The following PITPNM2 variants were observed in gnomAD, a reference collection of about 807,000 sequenced individuals.
PITPNM2 encodes the protein phosphatidylinositol transfer protein membrane associated 2.
PITPNM2 carries 35 observed loss-of-function variants against 132.2 expected under a neutral mutation model. The observed-to-expected ratio is 0.26, with a 90% CI of 0.20 to 0.35. The LOEUF is 0.35. PITPNM2 is among the 10% of genes least tolerant of loss of function. The pLI, the probability that PITPNM2 is intolerant of heterozygous loss-of-function variation, is 1.00. For synonymous variants in PITPNM2, 738 were observed against 799.2 expected, an observed-to-expected ratio of 0.92 and a Z score of 1.29; for missense variants, 1,332 against 1,912.0, an observed-to-expected ratio of 0.70 and a Z score of 5.66.
chr12:123,019,681 C>T (rs1265524599), intron 3 of PITPNM2, among the ~76,000 whole-genome samples: 1 of 152,230 alleles, frequency 6.6e-6, no homozygotes, highest in African/African-American at 2.4e-5. Flanking sequence ...CAGTGGAGGG[C>T]CTGTGCAGCC....
intron 3 of PITPNM2, among the ~76,000 whole-genome samples, chr12:123,019,449 G>A (rs1274833774): frequency 8.5e-5 from 13 of 152,168 alleles, no homozygotes. Flanking sequence ...AAGTCTGCAG[G>A]CTGCTCAGAG....
intron 3 of PITPNM2, chr12:123,034,158 G>A (rs2040192240): frequency 4.6e-6 from 1 of 215,288 alleles, no homozygotes; most frequent in Non-Finnish European, 9.2e-6. Context: ...GTTCCTCTAC[G>A]CCCCCAGTTT....
At position 123,013,943 on chromosome 12, in the gene PITPNM2, G is replaced by A. The variant is rs754104388; in HGVS notation, c.178C>T (p.His60Tyr). The A allele has an allele frequency of 2.5e-5, 41 of 1,614,158 alleles. No homozygotes were observed. Among genetic ancestry groups the A allele is most frequent in the Non-Finnish European group, 3.3e-5 (39 of 1,180,054 alleles). The change falls in exon 4 of 26, where the codon CAC (histidine) becomes TAC (tyrosine). Residue 60 changes from histidine to tyrosine, a missense_variant. By Grantham distance (83) the His-to-Tyr change is moderately conservative. Coordinates refer to ENST00000320201, the MANE Select transcript of PITPNM2 (RefSeq NM_020845.3). Reference protein sequence around the residue: ...DGPGGSGQYTHKVYHVGMHIP... With the variant: ...DGPGGSGQYTYKVYHVGMHIP... ...TGCATGCCCACATGATACACCTTGTGTGTGTACTGCCCAGAGCCGCCTGGG... is the reference window on the plus strand; with the variant it reads ...TGCATGCCCACATGATACACCTTGTATGTGTACTGCCCAGAGCCGCCTGGG...
At position 123,036,484 on chromosome 12, in the gene PITPNM2, G is replaced by C. The variant is rs1303724548; in HGVS notation, c.-95-1799C>G. On this transcript the variant is annotated intron_variant, in intron 2 of 25. Coordinates refer to ENST00000320201, the MANE Select transcript of PITPNM2 (RefSeq NM_020845.3). This position sits in a 1 kb window ranked among gnomAD's most constrained non-coding sequence, Gnocchi z 4.1. ...ACTGCTTGAGGTCAAGCAAGCTCAA[G>C]ACCAGCCTGGGAAACATAGCAAGAC... 6.6e-6 allele frequency among the ~76,000 whole-genome samples: 1 copy of C among 152,122 alleles called. No individual in the cohort carries two copies. Among genetic ancestry groups the C allele is most frequent in the Non-Finnish European group, 1.5e-5 (1 of 67,994 alleles).
intron 2 of PITPNM2, among the ~76,000 whole-genome samples, chr12:123,063,593 G>A (rs2041319146): frequency 6.6e-6 from 1 of 152,156 alleles, no homozygotes; most frequent in South Asian, 2.1e-4. Flanking sequence ...CCCCTTGTGG[G>A]TCTCTGTCCT....
chr12:123,107,260 C>T (rs921006174), intron 2 of PITPNM2, among the ~76,000 whole-genome samples: 3 of 152,224 alleles, frequency 2.0e-5, no homozygotes, highest in South Asian at 2.1e-4. Flanking sequence ...GGACCCTCCC[C>T]GCTGAGCTCT....
chr12:123,083,409 C>T lies in PITPNM2; in HGVS notation c.-96+26976G>A, dbSNP rs1336901964. 6.6e-6 allele frequency: 1 copy of T among 152,246 alleles called. No homozygotes were observed. Among genetic ancestry groups the T allele is most frequent in the Non-Finnish European group, 1.5e-5 (1 of 68,098 alleles). The allele number at this position is 152,246 out of a possible 1,614,324, so 9.4% of individuals were successfully genotyped here. ...AATGCCTCAAATGTCTGTGCCTGGCCTGGAGTTATGTCCCTCACCCCCACT... is the reference window on the plus strand; with the variant it reads ...AATGCCTCAAATGTCTGTGCCTGGCTTGGAGTTATGTCCCTCACCCCCACT... On this transcript the variant is annotated intron_variant, in intron 2 of 25. Transcript: ENST00000320201. This position sits in a 1 kb window ranked among gnomAD's most constrained non-coding sequence, Gnocchi z 4.5.
intron 2 of PITPNM2, among the ~76,000 whole-genome samples, chr12:123,069,285 C>T (rs547947249): frequency 1.1e-3 from 163 of 151,882 alleles, no homozygotes; most frequent in African/African-American, 3.6e-3. Context: ...GATTCCTATG[C>T]GCTGCTCCCA....
At chr12:123,062,107 C>G (rs2041257310) in intron 2 of PITPNM2, among the ~76,000 whole-genome samples, 1 of 152,252 alleles carries the variant, frequency 6.6e-6, no homozygotes, top group Non-Finnish European at 1.5e-5. Flanking sequence ...TCCGGTGCAC[C>G]TGGGACCCTG....
chr12:123,125,674 C>A (rs931599118), intron 1 of PITPNM2, among the ~76,000 whole-genome samples: 9 of 150,962 alleles, frequency 6.0e-5, no homozygotes, highest in Admixed American at 1.3e-4. Context: ...GAAACCCCGT[C>A]TCTATTAAAA....
intron 3 of PITPNM2, among the ~76,000 whole-genome samples, chr12:123,017,760 A>G (rs1223183301): frequency 6.6e-6 from 1 of 152,254 alleles, no homozygotes; most frequent in African/African-American, 2.4e-5. Flanking sequence ...AACAAGCCAG[A>G]CACAAAGGAC....
chr12:122,987,854 G>C lies in PITPNM2; in HGVS notation c.3045C>G (p.Asp1015Glu). The C allele has an allele frequency of 6.2e-7, 1 of 1,613,678 alleles. No homozygotes were observed. The highest frequency in any genetic ancestry group is 8.5e-7 in the Non-Finnish European group (1 of 1,179,866). The change falls in exon 21 of 26, where the codon GAC becomes GAG. Residue 1015 changes from aspartate (D) to glutamate (E), a missense_variant. Around this residue, in one of 6 missense-constraint regions of PITPNM2, gnomAD observed 251 missense variants for 472.0 expected, o/e 0.53. Transcript: ENST00000320201. ...ACCTGCCCGTCAGAACCTGGGGGCC[G>C]TCCTCATTGGCAAGGGCATCATTGA... Reference protein sequence around the residue: ...HRINDALANEDGPQVLTGRFM... With the variant: ...HRINDALANEEGPQVLTGRFM...
Position 122,984,400 on chromosome 12 carries a change from C to T in PITPNM2, c.*1627G>A, listed in dbSNP as rs1345088849. On this transcript the variant is annotated 3_prime_UTR_variant, in exon 26 of 26. Transcript: ENST00000320201. The stretch of plus-strand genomic sequence containing the variant: ...CTGGGAGCAGGGGGGTCAGATATTG[C>T]ACTTTCACTGCAACAGTTACATGAA... 4 of 152,664 alleles carry T rather than the reference C, an allele frequency of 2.6e-5. No homozygotes were observed. Among genetic ancestry groups the T allele is most frequent in the Admixed American group, 2.0e-4 (3 of 15,284 alleles). 9.5% of individuals were successfully genotyped at this position (152,664 alleles called of 1,614,324 possible).
chr12:123,131,622 T>A (rs1416022517), intron 1 of PITPNM2, among the ~76,000 whole-genome samples: 2 of 152,182 alleles, frequency 1.3e-5, no homozygotes, highest in Non-Finnish European at 2.9e-5. Context: ...TCTGGTTCCA[T>A]CTGGAATCCC....
chr12:123,149,865 C>T (rs772066296), intron 1 of PITPNM2: 1 of 152,136 alleles, frequency 6.6e-6, no homozygotes, highest in African/African-American at 2.4e-5. Context: ...TGGACAAAGA[C>T]AGATGTTCCA....
At chr12:123,120,718 A>AT (rs1183163945) in intron 1 of PITPNM2, among the ~76,000 whole-genome samples, 1 of 152,152 alleles carries the variant, frequency 6.6e-6, no homozygotes, top group East Asian at 1.9e-4. Flanking sequence ...AGGCCACACA[A>AT]TACCTCTGCA....
At position 123,082,628 on chromosome 12, in the gene PITPNM2, G is replaced by A. The variant is rs920542464; in HGVS notation, c.-96+27757C>T. Among the ~76,000 whole-genome samples the A allele has an allele frequency of 6.6e-6, 1 of 152,232 alleles. No individual in the cohort carries two copies. The highest frequency in any genetic ancestry group is 2.1e-4 in the South Asian group (1 of 4,818). ...ATTTTTATATTTTTAGTAAGACGGG[G>A]TTTCACCATGTTGGTCAGGCTGGTC... On this transcript the variant is annotated intron_variant, in intron 2 of 25. Transcript: ENST00000320201. This position sits in a 1 kb window ranked among gnomAD's most constrained non-coding sequence, Gnocchi z 5.4.
rs10612599 is a variant in PITPNM2 at position 123,006,719 on chromosome 12, G to GTAATAATAA, written c.644-1180_644-1172dup. Among the ~76,000 whole-genome samples, 169 of 140,108 alleles carry GTAATAATAA rather than the reference G, an allele frequency of 1.2e-3. 2 individuals are homozygous for GTAATAATAA. Among genetic ancestry groups the GTAATAATAA allele is most frequent in the African/African-American group, 3.9e-3 (147 of 37,770 alleles). 91.9% of individuals were successfully genotyped at this position (140,108 alleles called of 152,430 possible). A position where few individuals can be genotyped will look rare whatever the true frequency, so the allele number is the denominator to read the frequency against. ...CAGAGTAAGACCCTGTCTCAAAATA[G>GTAATAATAA]TAATAATAATAATAATAATAATAAT... is the stretch of plus-strand genomic sequence containing the variant. On this transcript the variant is annotated intron_variant, in intron 6 of 25. Coordinates refer to ENST00000320201, the MANE Select transcript of PITPNM2 (RefSeq NM_020845.3).
Position 122,992,459 on chromosome 12 carries a change from C to G in PITPNM2, c.2404+40G>C, listed in dbSNP as rs1222561698. On this transcript the variant is annotated intron_variant, in intron 16 of 25. Transcript: ENST00000320201. The surrounding 1 kb of genome is among the most constrained non-coding windows in gnomAD (Gnocchi z 6.5). Reference sequence around the variant, plus strand: ...AGGAGCCAGGGAGCCACGCTTACCCCACCTTCCCCCAGAGGAGTGGGGCGG... The same window carrying G: ...AGGAGCCAGGGAGCCACGCTTACCCGACCTTCCCCCAGAGGAGTGGGGCGG... 4 of 1,571,630 alleles carry G rather than the reference C, an allele frequency of 2.5e-6. No individual in the cohort carries two copies. In the South Asian group the frequency reaches 4.6e-5, roughly 18 times the overall value.
Sources: allele counts gnomAD v4.1 joint callset (sites outside exome capture counted in the v4.1 genomes callset), GRCh38; gene constraint gnomAD v4.1.1; regional missense constraint gnomAD v4.1.1; non-coding constraint Gnocchi (gnomAD v3.1); transcripts MANE v1.5; gene names NCBI Gene and HGNC (gene_info 2026-07-23, HGNC 2026-07-21).